Variants in PECR observed in about 807,000 individuals in gnomAD.
The protein encoded by PECR is 2,4-dienoyl-CoA reductase-related protein.
Under a neutral mutation model 35.3 loss-of-function variants are expected in PECR, and 30 were observed. That is an observed-to-expected ratio of 0.85 (90% CI 0.64 to 1.15). The LOEUF (loss-of-function observed/expected upper bound fraction) is 1.15, where lower values mean the gene tolerates loss of function less well. Ranked by LOEUF, PECR falls within the 50% of genes most tolerant of loss-of-function variation. PECR has a pLI of 0.00. For synonymous variants in PECR, 148 were observed against 138.9 expected, an observed-to-expected ratio of 1.07 and a Z score of -0.46; for missense variants, 392 against 370.8, an observed-to-expected ratio of 1.06 and a Z score of -0.47.
At chr2:216,043,046 TATATACACATAC>T (rs1226217023) in intron 7 of PECR, among the ~76,000 whole-genome samples, 1 of 135,220 alleles carries the variant, frequency 7.4e-6, no homozygotes, top group African/African-American at 2.8e-5. Flanking sequence ...TGTGTATATA[TATATACACATAC>T]GTATATATGT....
intron 7 of PECR, among the ~76,000 whole-genome samples, chr2:216,030,402 T>C (rs1694661843): frequency 6.6e-6 from 1 of 152,196 alleles, no homozygotes; most frequent in Non-Finnish European, 1.5e-5. Flanking sequence ...GCCAGTTTCC[T>C]CAACTGTAAA....
intron 7 of PECR, among the ~76,000 whole-genome samples, chr2:216,030,231 T>G (rs945480639): frequency 2.0e-5 from 3 of 152,194 alleles, no homozygotes; most frequent in Admixed American, 2.0e-4. Flanking sequence ...GTTTGAGAAA[T>G]TCCATTAAAA....
At chr2:216,051,066 T>TCCTGAGCTCAGGAGTTCGAGACCA (rs1695104539) in intron 5 of PECR, among the ~76,000 whole-genome samples, 1 of 151,546 alleles carries the variant, frequency 6.6e-6, no homozygotes, top group Non-Finnish European at 1.5e-5. Flanking sequence ...CGAACAGATC[T>TCCTGAGCTCAGGAGTTCGAGACCA]CCTGAGCTCA....
chr2:216,049,820 A>G (rs905713697), intron 5 of PECR, among the ~76,000 whole-genome samples: 1 of 152,248 alleles, frequency 6.6e-6, no homozygotes, highest in African/African-American at 2.4e-5. Flanking sequence ...TGAAATCGCA[A>G]ATAAAGCATT....
chr2:216,047,261 GAAA>G (rs11396724), intron 6 of PECR, among the ~76,000 whole-genome samples: 1 of 142,382 alleles, frequency 7.0e-6, no homozygotes, highest in Non-Finnish European at 1.5e-5. Flanking sequence ...TTCGTCTCAG[GAAA>G]AAAAAAAAAA....
At chr2:216,032,271 C>G (rs906723751) in intron 7 of PECR, among the ~76,000 whole-genome samples, 10 of 152,156 alleles carry the variant, frequency 6.6e-5, no homozygotes, top group African/African-American at 2.4e-4. Context: ...AAAACAAAAG[C>G]CAAATGGTCC....
chr2:216,081,302 T>C (rs1224499308), intron 1 of PECR, among the ~76,000 whole-genome samples: 1 of 152,232 alleles, frequency 6.6e-6, no homozygotes, highest in Non-Finnish European at 1.5e-5. Context: ...ACATTAAGCA[T>C]ATAGAATGGA....
intron 4 of PECR, among the ~76,000 whole-genome samples, chr2:216,054,595 C>T (rs986869214): frequency 1.3e-4 from 19 of 151,670 alleles, no homozygotes; most frequent in African/African-American, 3.6e-4. Context: ...CTCAGCCTCC[C>T]AAAGTGCTGG....
downstream of PECR, among the ~76,000 whole-genome samples, chr2:216,036,168 G>A (rs1694789924): frequency 6.6e-6 from 1 of 152,214 alleles, no homozygotes; most frequent in Non-Finnish European, 1.5e-5. Flanking sequence ...TGGAACCACT[G>A]TGTATCCACA....
downstream of PECR, among the ~76,000 whole-genome samples, chr2:216,037,942 G>A (rs970651767): frequency 4.6e-5 from 7 of 152,098 alleles, no homozygotes; most frequent in South Asian, 4.2e-4. Flanking sequence ...AAAATTGGCC[G>A]GGCGTGGTGG....
At position 216,061,955 on chromosome 2, in the gene PECR, C is replaced by T. The variant is rs114755558; in HGVS notation, c.425-2979G>A. Among the ~76,000 whole-genome samples the T allele has an allele frequency of 4.0e-3, 587 of 148,098 alleles. 4 individuals are homozygous for T. The highest frequency in any genetic ancestry group is 0.014 in the African/African-American group (551 of 39,016). On this transcript the variant is annotated intron_variant, in intron 3 of 7. Coordinates refer to ENST00000265322, the MANE Select transcript of PECR (RefSeq NM_018441.6). ...TTCCTTTCAAATTGTTTATTTAAAA[C>T]GAGTGTGTGTGAGTATGTGTGTGTG...
At chr2:216,073,228 C>G (rs1416553033) in intron 1 of PECR, among the ~76,000 whole-genome samples, 1 of 152,146 alleles carries the variant, frequency 6.6e-6, no homozygotes, top group East Asian at 1.9e-4. Flanking sequence ...CAGGAGGGCC[C>G]TCTTCTTCCA....
At chr2:216,045,915 C>A (rs931502139) in intron 6 of PECR, among the ~76,000 whole-genome samples, 1 of 152,136 alleles carries the variant, frequency 6.6e-6, no homozygotes, top group African/African-American at 2.4e-5. Flanking sequence ...CGGTGGCTCA[C>A]GCCTGTAATC....
chr2:216,039,317 G>A lies in PECR; in HGVS notation c.870C>T (p.Val290=). 1 of 1,610,526 alleles carries A rather than the reference G, an allele frequency of 6.2e-7. No individual in the cohort carries two copies. Among genetic ancestry groups the A allele is most frequent in the East Asian group, 2.2e-5 (1 of 44,854 alleles). ...CCTTAAAGGTCTCCTTCATCTTTTT[G>A]ACAACAGAAAGGTCCCCTGCTCCCT... ...WPKGAGDLSV[V]KKMKETFKEK... The change falls in exon 8 of 8, where the codon GTC becomes GTT. Residue 290 remains valine, a synonymous_variant. Transcript: ENST00000265322.
chr2:216,061,370 A>G (rs1489431454), intron 3 of PECR, among the ~76,000 whole-genome samples: 1 of 150,680 alleles, frequency 6.6e-6, no homozygotes. Context: ...GGATAAAAGT[A>G]CATAGGAAAA....
chr2:216,035,107 C>T (rs1694772260), downstream of PECR, among the ~76,000 whole-genome samples: 1 of 152,226 alleles, frequency 6.6e-6, no homozygotes, highest in African/African-American at 2.4e-5. Context: ...GATGTAATTG[C>T]TCCTCTGTTC....
Position 216,059,537 on chromosome 2 carries a change from T to C in PECR, c.425-561A>G, listed in dbSNP as rs115107946. On this transcript the variant is annotated intron_variant, in intron 3 of 7. Transcript: ENST00000265322. ...AGTTCCACTTTGGAGCAATTATGAA[T>C]ACAAATCTTTGTGTGGTCATATGTT... Among the ~76,000 whole-genome samples, 1,120 of 152,344 alleles carry C rather than the reference T, an allele frequency of 7.4e-3. 13 individuals carry two copies. The highest frequency in any genetic ancestry group is 0.026 in the African/African-American group (1,087 of 41,574).
Position 216,038,567 on chromosome 2 carries a change from G to A in PECR, c.*708C>T, listed in dbSNP as rs10171203. 0.41 allele frequency: 61,951 copies of A among 151,916 alleles called. 13,048 individuals carry two copies. The highest frequency in any genetic ancestry group is 0.51 in the African/African-American group (20,923 of 41,430). 9.4% of individuals were successfully genotyped at this position (151,916 alleles called of 1,614,324 possible). On this transcript the variant is annotated 3_prime_UTR_variant, in exon 8 of 8. Coordinates refer to ENST00000265322, the MANE Select transcript of PECR (RefSeq NM_018441.6). Reference sequence around the variant, plus strand: ...TAATCTTAATTACGACACAATTTAGGTTTATTTTCTACCTTTATAATTTTG... The same window carrying A: ...TAATCTTAATTACGACACAATTTAGATTTATTTTCTACCTTTATAATTTTG...
chr2:216,075,613 G>A (rs149720026), intron 1 of PECR, among the ~76,000 whole-genome samples: 2 of 152,310 alleles, frequency 1.3e-5, no homozygotes, highest in East Asian at 3.9e-4. Context: ...TAGCTAGAGA[G>A]ATGCAGAAAG....
Sources: gnomAD v4.1 joint callset for allele counts (sites outside exome capture counted in the v4.1 genomes callset) on GRCh38, gnomAD v4.1.1 for gene constraint, MANE v1.5 for transcripts, NCBI Gene and HGNC (gene_info 2026-07-23, HGNC 2026-07-21) for gene names.